The following NR3C1 variants were observed in gnomAD, a reference collection of about 807,000 sequenced individuals.
NR3C1 encodes nuclear receptor subfamily 3 group C member 1, also known as glucocorticoid receptor.
Under a neutral mutation model 74.0 loss-of-function variants are expected in NR3C1, and 14 were observed. The ratio of observed to expected loss-of-function variants is 0.19; its 90% CI spans 0.12 to 0.30. The LOEUF (loss-of-function observed/expected upper bound fraction) is 0.30. Among genes scored for constraint, NR3C1 ranks in the 10% least tolerant of loss-of-function variants. The pLI is 1.00. For synonymous variants in NR3C1, 308 were observed against 332.5 expected (o/e 0.93, Z 0.80); for missense variants, 695 against 909.8 (o/e 0.76, Z 3.04).
intron 2 of NR3C1, among the ~76,000 whole-genome samples, chr5:143,359,887 T>C (rs939544962): frequency 8.5e-5 from 13 of 152,104 alleles, no homozygotes; most frequent in African/African-American, 2.2e-4. Context: ...TCCTGCACCA[T>C]AGCCTGGGCC....
chr5:143,370,243 T>C (rs1357217706), intron 2 of NR3C1, among the ~76,000 whole-genome samples: 3 of 152,210 alleles, frequency 2.0e-5, no homozygotes, highest in Admixed American at 2.0e-4. Flanking sequence ...TATCAATGTA[T>C]TATGATTGCT....
chr5:143,294,675 T>TC (rs1816760411), intron 7 of NR3C1, among the ~76,000 whole-genome samples: 1 of 151,546 alleles, frequency 6.6e-6, no homozygotes, highest in Admixed American at 6.6e-5. Flanking sequence ...CAACCGCTGA[T>TC]TTTTTTTTGC....
chr5:143,378,783 T>C (rs1203758332), intron 2 of NR3C1, among the ~76,000 whole-genome samples: 3 of 152,256 alleles, frequency 2.0e-5, no homozygotes, highest in South Asian at 2.1e-4. Flanking sequence ...TATTTCTATA[T>C]GGCCCTTTTA....
In NR3C1 at chr5:143,400,085, T is replaced by C; in HGVS notation, c.755A>G (p.Asp252Gly). 6.2e-7 allele frequency: 1 copy of C among 1,614,208 alleles called. No homozygotes were observed. Among genetic ancestry groups the C allele is most frequent in the Non-Finnish European group, 8.5e-7 (1 of 1,180,044 alleles). ...ATTATCCTTAATTTTGGGTTTAGTG[T>C]CCGGTAAAATGAGAGGCTTGCAGTC... ...NEDCKPLILPDTKPKIKDNGD... is the reference protein window; with the variant it reads ...NEDCKPLILPGTKPKIKDNGD... Residue 252 changes from aspartate (D) to glycine (G), a missense_variant, in exon 2 of 9, where the codon GAC becomes GGC. Physicochemically the swap from Asp to Gly is moderately conservative, Grantham distance 94. Transcript: ENST00000394464.
intron 2 of NR3C1, among the ~76,000 whole-genome samples, chr5:143,376,439 A>G (rs2963155): frequency 0.24 from 36,257 of 152,084 alleles, 4,438 homozygotes; most frequent in African/African-American, 0.26. Context: ...AGCTACCTCT[A>G]TATGTCCACG....
chr5:143,328,297 G>T (rs1305013498), intron 2 of NR3C1, among the ~76,000 whole-genome samples: 1 of 152,206 alleles, frequency 6.6e-6, no homozygotes, highest in Non-Finnish European at 1.5e-5. Context: ...GAGCAGCAAG[G>T]CCCTGAGCAG....
chr5:143,431,940 A>G (rs1447973882), intron 1 of NR3C1, among the ~76,000 whole-genome samples: 2 of 152,228 alleles, frequency 1.3e-5, no homozygotes, highest in Non-Finnish European at 2.9e-5. Flanking sequence ...TGACATTTAT[A>G]TGGGTTTGGG....
At chr5:143,293,985 A>G in intron 7 of NR3C1, 5 of 985,320 alleles carry the variant, frequency 5.1e-6, no homozygotes, top group Non-Finnish European at 6.0e-6. Flanking sequence ...TTCTTTAACA[A>G]GTGTACCGCT....
chr5:143,321,748 A>T (rs546924692), intron 2 of NR3C1, among the ~76,000 whole-genome samples: 1 of 152,338 alleles, frequency 6.6e-6, no homozygotes, highest in Admixed American at 6.5e-5. Context: ...TGATAGGAGT[A>T]GCTTTTGCTA....
intron 2 of NR3C1, among the ~76,000 whole-genome samples, chr5:143,365,135 G>A (rs948546098): frequency 6.6e-6 from 1 of 151,928 alleles, no homozygotes; most frequent in Non-Finnish European, 1.5e-5. Context: ...AAAGAAAGAA[G>A]GTAGTAATGG....
At position 143,400,025 on chromosome 5, in the gene NR3C1, G is replaced by A; in HGVS notation, c.815C>T (p.Thr272Ile). ...DLVLSSPSNV[T>I]LPQVKTEKED... is the part of the protein sequence containing the mutation. ...TTTTTCTGTTTTCACTTGGGGCAGTGTTACATTACTGGGGCTTGACAAAAC... is the reference window on the plus strand; with the variant it reads ...TTTTTCTGTTTTCACTTGGGGCAGTATTACATTACTGGGGCTTGACAAAAC... The change falls in exon 2 of 9, where the codon ACA (threonine) becomes ATA (isoleucine). Residue 272 changes from threonine to isoleucine, a missense_variant. This residue lies in a region of NR3C1 where 497 missense variants were observed against 489.5 expected (regional missense o/e 1.02). Transcript: ENST00000394464. 1 of 1,614,204 alleles carries A rather than the reference G, an allele frequency of 6.2e-7. No individual in the cohort carries two copies. The highest frequency in any genetic ancestry group is 8.5e-7 in the Non-Finnish European group (1 of 1,180,026).
At chr5:143,381,573 A>T (rs1836247220) in intron 2 of NR3C1, among the ~76,000 whole-genome samples, 1 of 152,174 alleles carries the variant, frequency 6.6e-6, no homozygotes, top group Non-Finnish European at 1.5e-5. Flanking sequence ...CCCAAACAAC[A>T]TAGTTCTAGC....
intron 2 of NR3C1, among the ~76,000 whole-genome samples, chr5:143,373,204 T>A (rs1378022748): frequency 1.3e-5 from 2 of 152,148 alleles, no homozygotes; most frequent in Non-Finnish European, 2.9e-5. Flanking sequence ...AGTTATTCAA[T>A]TTCTAGGTAT....
In NR3C1 at chr5:143,400,636, G is replaced by C; in HGVS notation, c.204C>G (p.Gly68=). 6.2e-7 allele frequency: 1 copy of C among 1,614,098 alleles called. No individual in the cohort carries two copies. The highest frequency in any genetic ancestry group is 8.5e-7 in the Non-Finnish European group (1 of 1,179,928). The change falls in exon 2 of 9, where the codon GGC becomes GGG. Residue 68 remains glycine (G), a synonymous_variant. Transcript: ENST00000394464. The part of the protein sequence containing the change: ...QRRLLVDFPK[G]SVSNAQQPDL... ...CTGGCTGCTGCGCATTGCTTACTGA[G>C]CCTTTTGGAAAATCAACCAAAAGTC...
At chr5:143,367,709 T>C (rs933325438) in intron 2 of NR3C1, among the ~76,000 whole-genome samples, 5 of 152,192 alleles carry the variant, frequency 3.3e-5, no homozygotes, top group African/African-American at 9.7e-5. Flanking sequence ...GACTTTTATA[T>C]TGAAAACTAC....
intron 2 of NR3C1, among the ~76,000 whole-genome samples, chr5:143,360,643 C>T (rs186312224): frequency 5.3e-5 from 8 of 152,304 alleles, no homozygotes; most frequent in Admixed American, 5.2e-4. Context: ...TAGAAGAATA[C>T]AGGTCTTTAA....
chr5:143,401,957 T>G (rs183032491), intron 1 of NR3C1, among the ~76,000 whole-genome samples: 3 of 152,332 alleles, frequency 2.0e-5, no homozygotes, highest in African/African-American at 7.2e-5. Context: ...TTTTAAGAGA[T>G]GGGCTAAGAC....
intron 2 of NR3C1, among the ~76,000 whole-genome samples, chr5:143,329,947 G>A (rs1215574801): frequency 6.6e-6 from 1 of 152,096 alleles, no homozygotes; most frequent in African/African-American, 2.4e-5. Context: ...TGCATATAAT[G>A]TATATGTACT....
intron 2 of NR3C1, among the ~76,000 whole-genome samples, chr5:143,324,983 A>G (rs1432147776): frequency 6.6e-6 from 1 of 152,210 alleles, no homozygotes; most frequent in East Asian, 1.9e-4. Context: ...TATCACTATC[A>G]GCATGTTGGT....
Sources: gnomAD v4.1 joint callset for allele counts (sites outside exome capture counted in the v4.1 genomes callset) on GRCh38, gnomAD v4.1.1 for gene constraint, gnomAD v4.1.1 regional missense constraint, MANE v1.5 for transcripts, NCBI Gene and HGNC (gene_info 2026-07-23, HGNC 2026-07-21) for gene names.